EGFLAM: variants seen among roughly 807,000 people sequenced by gnomAD.
EGFLAM encodes the protein pikachurin.
A neutral mutation model predicts 113.1 loss-of-function variants in EGFLAM; 79 were observed. That is an observed-to-expected ratio of 0.70 (90% CI 0.58 to 0.84). EGFLAM has a LOEUF of 0.84. Among genes scored for constraint, EGFLAM ranks in the 40% least tolerant of loss-of-function variants. EGFLAM has a pLI of 0.00. For missense variants in EGFLAM, 1,265 were observed against 1,291.6 expected (o/e 0.98, Z 0.32); for synonymous variants, 504 against 487.6 (o/e 1.03, Z -0.44).
In EGFLAM at chr5:38,386,519, AT is replaced by A. The variant is rs1418683692; in HGVS notation, c.712+16063del. 6.8e-5 allele frequency among the ~76,000 whole-genome samples: 10 copies of A among 147,414 alleles called. No individual in the cohort carries two copies. In the South Asian group the frequency reaches 2.2e-3, roughly 33 times the overall value. On this transcript the variant is annotated intron_variant, in intron 6 of 21. Transcript: ENST00000322350. The stretch of plus-strand genomic sequence containing the variant: ...ACAAATACTTATTTTTTTTATTTTT[AT>A]TTTTTAAGAAGGAGTCTCGCTCTGT...
rs1420617848 is a variant in EGFLAM at position 38,464,066 on chromosome 5, T to C, written c.*80T>C. Reference sequence around the variant, plus strand: ...CCCTCAGACCCTGCCTGATGCTATATGCAGAGGCCCAGGGACCAGGTGTGT... The same window carrying C: ...CCCTCAGACCCTGCCTGATGCTATACGCAGAGGCCCAGGGACCAGGTGTGT... On this transcript the variant is annotated 3_prime_UTR_variant, in exon 22 of 22. Transcript: ENST00000322350. The C allele has an allele frequency of 6.4e-7, 1 of 1,558,064 alleles. No individual in the cohort carries two copies. The highest frequency in any genetic ancestry group is 8.8e-7 in the Non-Finnish European group (1 of 1,140,126).
intron 1 of EGFLAM, among the ~76,000 whole-genome samples, chr5:38,279,696 G>C (rs1201389558): frequency 6.6e-6 from 1 of 152,154 alleles, no homozygotes; most frequent in African/African-American, 2.4e-5. Flanking sequence ...GATTAGAATG[G>C]TGGTAACCAG....
intron 6 of EGFLAM, among the ~76,000 whole-genome samples, chr5:38,383,202 A>G (rs545807931): frequency 6.6e-6 from 1 of 152,196 alleles, no homozygotes; most frequent in Non-Finnish European, 1.5e-5. Flanking sequence ...GTGCAACCAA[A>G]CGTCCACAAA....
chr5:38,426,491 A>G (rs1282529235), intron 13 of EGFLAM, among the ~76,000 whole-genome samples: 1 of 152,170 alleles, frequency 6.6e-6, no homozygotes, highest in East Asian at 1.9e-4. Flanking sequence ...AAGATACCAT[A>G]TTGGGGAAAA....
At chr5:38,417,347 C>CAAAAAAAAAAAA (rs752613827) in intron 11 of EGFLAM, among the ~76,000 whole-genome samples, 14 of 78,482 alleles carry the variant, frequency 1.8e-4, no homozygotes, top group Admixed American at 1.9e-4. Flanking sequence ...GACTCTGTCT[C>CAAAAAAAAAAAA]AAAAAAAAAA....
At chr5:38,436,093 G>A (rs1330361283) in intron 16 of EGFLAM, among the ~76,000 whole-genome samples, 1 of 152,104 alleles carries the variant, frequency 6.6e-6, no homozygotes, top group Non-Finnish European at 1.5e-5. Context: ...TGAGATTACA[G>A]GCATGAGCCA....
At chr5:38,446,622 A>G (rs1742722903) in intron 17 of EGFLAM, among the ~76,000 whole-genome samples, 1 of 152,192 alleles carries the variant, frequency 6.6e-6, no homozygotes, top group African/African-American at 2.4e-5. Context: ...AGGTCCTTGC[A>G]GCCTCAGGCC....
intron 18 of EGFLAM, among the ~76,000 whole-genome samples, chr5:38,449,649 T>A (rs143951939): frequency 2.6e-4 from 40 of 151,472 alleles, no homozygotes; most frequent in African/African-American, 9.8e-4. Flanking sequence ...GGCCATAGTG[T>A]GTGTGTATGT....
At chr5:38,424,851 G>T in intron 12 of EGFLAM, 116 bp from the exon 13 acceptor site, 1 of 1,379,570 alleles carries the variant, frequency 7.2e-7, no homozygotes. Flanking sequence ...CAAATCAACA[G>T]GAGTAAGAAC....
chr5:38,435,264 CT>C lies in EGFLAM; in HGVS notation c.2283+12del. 1 of 1,602,748 alleles carries C rather than the reference CT, an allele frequency of 6.2e-7. No homozygotes were observed. The highest frequency in any genetic ancestry group is 8.5e-7 in the Non-Finnish European group (1 of 1,169,866). Reference sequence around the variant, plus strand: ...GGGAGCATCCAGAAGGTACAGGCATCTCTTCCTCATGTTTACTGGGCCACCC... The same window carrying C: ...GGGAGCATCCAGAAGGTACAGGCATCCTTCCTCATGTTTACTGGGCCACCC... On this transcript the variant is annotated intron_variant, in intron 16 of 21. Transcript: ENST00000322350.
chr5:38,388,358 A>G (rs1450837532), intron 6 of EGFLAM, among the ~76,000 whole-genome samples: 1 of 152,076 alleles, frequency 6.6e-6, no homozygotes, highest in Admixed American at 6.5e-5. Context: ...GGTGGCTCAC[A>G]CCTGCAATCC....
intron 6 of EGFLAM, among the ~76,000 whole-genome samples, chr5:38,402,812 A>G (rs572591111): frequency 1.9e-3 from 290 of 152,286 alleles, no homozygotes; most frequent in Middle Eastern, 6.8e-3. Flanking sequence ...GAGCTGTTTT[A>G]ATTGAGAACC....
intron 15 of EGFLAM, 121 bp from the exon 16 acceptor site, chr5:38,435,016 A>G (rs1202916750): frequency 4.1e-6 from 3 of 740,204 alleles, no homozygotes; most frequent in Non-Finnish European, 7.0e-6. Context: ...ACAGATTGTC[A>G]TGATGGGTCT....
chr5:38,338,630 C>T, intron 2 of EGFLAM, 68 bp from the exon 3 acceptor site: 1 of 1,453,290 alleles, frequency 6.9e-7, no homozygotes, highest in South Asian at 1.1e-5. Flanking sequence ...ACTGTGAGTG[C>T]AATTACAACC....
At chr5:38,424,930 T>A (rs759400311) in intron 12 of EGFLAM, 37 bp from the exon 13 acceptor site, 35 of 1,609,538 alleles carry the variant, frequency 2.2e-5, no homozygotes, top group Non-Finnish European at 2.7e-5. Flanking sequence ...CTGGCACACA[T>A]GGAGGATTGG....
intron 18 of EGFLAM, among the ~76,000 whole-genome samples, chr5:38,450,320 C>A (rs1742870586): frequency 6.6e-6 from 1 of 152,160 alleles, no homozygotes; most frequent in Admixed American, 6.5e-5. Context: ...CTCGCTCTTC[C>A]CTCACTGTTC....
At chr5:38,438,561 C>CT in intron 17 of EGFLAM, 106 bp downstream of exon 17, 2 of 1,104,288 alleles carry the variant, frequency 1.8e-6, no homozygotes, top group African/African-American at 1.6e-5. Flanking sequence ...AGTGGTACAA[C>CT]CATAGTGGTT....
chr5:38,362,135 C>T (rs1561294143), intron 5 of EGFLAM, among the ~76,000 whole-genome samples: 2 of 152,178 alleles, frequency 1.3e-5, no homozygotes, highest in Non-Finnish European at 2.9e-5. Flanking sequence ...CCGACCCCCG[C>T]AATGCCCCAC....
chr5:38,413,185 A>ATTTTTTTTTTT (rs34326457), intron 11 of EGFLAM, among the ~76,000 whole-genome samples: 12 of 100,884 alleles, frequency 1.2e-4, no homozygotes, highest in East Asian at 2.8e-4. Context: ...TGCCTGGCTA[A>ATTTTTTTTTTT]TTTTTTTTTT....
Sources: allele counts gnomAD v4.1 joint callset (sites outside exome capture counted in the v4.1 genomes callset), GRCh38; gene constraint gnomAD v4.1.1; transcripts MANE v1.5; gene names NCBI Gene and HGNC (gene_info 2026-07-23, HGNC 2026-07-21).